MIPOL1: variants seen among roughly 807,000 people sequenced by gnomAD.
MIPOL1 encodes the protein mirror-image polydactyly 1, also known as mirror-image polydactyly gene 1 protein.
Under a neutral mutation model 60.9 loss-of-function variants are expected in MIPOL1, and 57 were observed. The observed-to-expected ratio is 0.94, with a 90% CI of 0.76 to 1.17. MIPOL1 has a LOEUF of 1.17. Among genes scored for constraint, MIPOL1 ranks in the 50% most tolerant of loss-of-function variants. The probability of loss-of-function intolerance (pLI) is 0.00; values close to 1 mark genes in which losing one functional copy is unlikely to be tolerated. For synonymous variants in MIPOL1, 179 were observed against 168.8 expected, an observed-to-expected ratio of 1.06 and a Z score of -0.47; for missense variants, 551 against 511.6, an observed-to-expected ratio of 1.08 and a Z score of -0.74.
intron 1 of MIPOL1, among the ~76,000 whole-genome samples, chr14:37,203,131 C>T (rs1341946166): frequency 1.3e-5 from 2 of 152,124 alleles, no homozygotes; most frequent in Admixed American, 1.3e-4. Context: ...TATTATTATT[C>T]TCTCTATTGA....
chr14:37,510,974 G>A (rs900074172), intron 12 of MIPOL1, among the ~76,000 whole-genome samples: 2 of 151,920 alleles, frequency 1.3e-5, no homozygotes, highest in African/African-American at 4.8e-5. Flanking sequence ...TTTTAACCAC[G>A]CACTTCCATC....
intron 1 of MIPOL1, among the ~76,000 whole-genome samples, chr14:37,224,896 G>T (rs1373383311): frequency 6.6e-6 from 1 of 152,168 alleles, no homozygotes; most frequent in Non-Finnish European, 1.5e-5. Context: ...TTATTTTCTA[G>T]ATATAAAGGG....
At chr14:37,282,419 T>G (rs973330214) in intron 6 of MIPOL1, among the ~76,000 whole-genome samples, 15 of 151,792 alleles carry the variant, frequency 9.9e-5, no homozygotes, top group Admixed American at 6.6e-4. Context: ...GCCCAAGGAT[T>G]GTTGCAGATT....
intron 11 of MIPOL1, among the ~76,000 whole-genome samples, chr14:37,468,729 G>A (rs535371619): frequency 2.6e-5 from 4 of 152,256 alleles, no homozygotes; most frequent in East Asian, 3.9e-4. Flanking sequence ...CTCTTTATCC[G>A]GTTGAAAGGT....
chr14:37,479,426 A>T (rs1393997074), intron 11 of MIPOL1, among the ~76,000 whole-genome samples: 1 of 152,186 alleles, frequency 6.6e-6, no homozygotes, highest in Non-Finnish European at 1.5e-5. Flanking sequence ...ATGGCAATTA[A>T]CATGCTCCTG....
chr14:37,509,646 CAT>C (rs1414501419), intron 12 of MIPOL1, among the ~76,000 whole-genome samples: 3 of 151,114 alleles, frequency 2.0e-5, no homozygotes, highest in Admixed American at 6.6e-5. Context: ...TGTATATACA[CAT>C]ATATTGTTTA....
At chr14:37,283,274 C>T (rs2084277560) in intron 6 of MIPOL1, among the ~76,000 whole-genome samples, 1 of 152,040 alleles carries the variant, frequency 6.6e-6, no homozygotes, top group Non-Finnish European at 1.5e-5. Flanking sequence ...GCCATGTTGG[C>T]CAAGCTGGTC....
At chr14:37,247,670 G>T (rs1235905970) in intron 2 of MIPOL1, 159 bp from the exon 3 acceptor site, 1 of 492,410 alleles carries the variant, frequency 2.0e-6, no homozygotes, top group Non-Finnish European at 3.6e-6. Context: ...CTGAGAAAAA[G>T]ATTTAATTTC....
Position 37,546,976 on chromosome 14 carries a change from A to G in MIPOL1, c.*5A>G, listed in dbSNP as rs773090911. The G allele has an allele frequency of 2.5e-6, 4 of 1,613,242 alleles. No homozygotes were observed. Among genetic ancestry groups the G allele is most frequent in the Admixed American group, 1.7e-5 (1 of 59,916 alleles). ...ACCATGAGGACAGTGATCTGATTGAAAAAAAACGACAGTCTGGGGAAGCGA... is the reference window on the plus strand; with the variant it reads ...ACCATGAGGACAGTGATCTGATTGAGAAAAAACGACAGTCTGGGGAAGCGA... On this transcript the variant is annotated 3_prime_UTR_variant, in exon 13 of 13. Coordinates refer to ENST00000684589, the MANE Select transcript of MIPOL1 (RefSeq NM_001388067.1).
At chr14:37,424,806 C>A (rs1244059884) in intron 11 of MIPOL1, among the ~76,000 whole-genome samples, 2 of 152,114 alleles carry the variant, frequency 1.3e-5, no homozygotes, top group African/African-American at 2.4e-5. Context: ...ATATTACACT[C>A]TTTCCTCTGT....
chr14:37,317,877 T>C (rs891666449), intron 9 of MIPOL1, among the ~76,000 whole-genome samples: 1 of 152,146 alleles, frequency 6.6e-6, no homozygotes, highest in African/African-American at 2.4e-5. Context: ...GATTCAGAAG[T>C]GGTTAAAAAG....
chr14:37,410,322 C>T (rs1012539757), intron 10 of MIPOL1, among the ~76,000 whole-genome samples: 3 of 151,908 alleles, frequency 2.0e-5, no homozygotes, highest in Admixed American at 6.6e-5. Context: ...CAAACCTGCA[C>T]GTCGTGCACA....
intron 12 of MIPOL1, chr14:37,507,013 T>C (rs1167983998): frequency 6.6e-6 from 1 of 152,182 alleles, no homozygotes; most frequent in Non-Finnish European, 1.5e-5. Context: ...ATGCTCATCA[T>C]CACTGGTCAT....
intron 9 of MIPOL1, among the ~76,000 whole-genome samples, chr14:37,337,871 A>T (rs934030005): frequency 4.6e-5 from 7 of 152,052 alleles, no homozygotes; most frequent in Non-Finnish European, 7.4e-5. Flanking sequence ...TGCAGCACAG[A>T]AGTTTTTTAT....
chr14:37,327,102 G>A (rs1175456248), intron 9 of MIPOL1, among the ~76,000 whole-genome samples: 1 of 152,126 alleles, frequency 6.6e-6, no homozygotes, highest in Non-Finnish European at 1.5e-5. Context: ...GATGAAGTCA[G>A]AGAAGTTTAT....
intron 11 of MIPOL1, among the ~76,000 whole-genome samples, chr14:37,498,323 C>G (rs2095164272): frequency 6.6e-6 from 1 of 152,068 alleles, no homozygotes; most frequent in South Asian, 2.1e-4. Context: ...ACGTAATTAA[C>G]AATTAAAATA....
rs572552465 is a variant in MIPOL1 at position 37,238,029 on chromosome 14, C to T, written c.-198-9074C>T. Among the ~76,000 whole-genome samples, 6 of 152,146 alleles carry T rather than the reference C, an allele frequency of 3.9e-5. No homozygotes were observed. In the South Asian group the frequency reaches 6.2e-4, roughly 16 times the overall value. On this transcript the variant is annotated intron_variant, in intron 1 of 12. Coordinates refer to ENST00000684589, the MANE Select transcript of MIPOL1 (RefSeq NM_001388067.1). ...TTACCCAGGCTGGAGTACAATAGCG[C>T]GATCATAGCTCATTGTAACCTTGAA...
At chr14:37,489,027 G>A (rs2094999751) in intron 11 of MIPOL1, among the ~76,000 whole-genome samples, 1 of 152,200 alleles carries the variant, frequency 6.6e-6, no homozygotes, top group South Asian at 2.1e-4. Context: ...ATATCCTAAA[G>A]AGTGTTTTCC....
At chr14:37,517,206 C>T (rs567973671) in intron 12 of MIPOL1, among the ~76,000 whole-genome samples, 114 of 152,186 alleles carry the variant, frequency 7.5e-4, no homozygotes, top group African/African-American at 2.5e-3. Context: ...AAATGAAATG[C>T]GTGTGCCTAA....
Sources: allele counts gnomAD v4.1 joint callset (sites outside exome capture counted in the v4.1 genomes callset), GRCh38; gene constraint gnomAD v4.1.1; transcripts MANE v1.5; gene names NCBI Gene and HGNC (gene_info 2026-07-23, HGNC 2026-07-21).